The following CHD7 variants were observed in gnomAD, a reference collection of about 807,000 sequenced individuals.
CHD7 encodes the protein ATP-dependent chromatin remodeler CHD7.
A neutral mutation model predicts 307.3 loss-of-function variants in CHD7; 24 were observed. The observed-to-expected ratio is 0.08, with a 90% CI of 0.06 to 0.11. The LOEUF (loss-of-function observed/expected upper bound fraction) is 0.11. Ranked by LOEUF, CHD7 falls within the 10% of genes least tolerant of loss-of-function variation. The probability of loss-of-function intolerance (pLI) is 1.00; values close to 1 mark genes in which losing one functional copy is unlikely to be tolerated. For missense variants in CHD7, 3,106 were observed against 3,727.1 expected (o/e 0.83, Z 4.34); for synonymous variants, 1,363 against 1,349.9 (o/e 1.01, Z -0.21).
intron 1 of CHD7, among the ~76,000 whole-genome samples, chr8:60,724,925 G>A (rs1808093583): frequency 6.6e-6 from 1 of 152,156 alleles, no homozygotes; most frequent in South Asian, 2.1e-4. Flanking sequence ...ATAAGCTTTG[G>A]GACAAGCAAG....
intron 3 of CHD7, among the ~76,000 whole-genome samples, chr8:60,788,561 T>G (rs1811611660): frequency 1.3e-5 from 2 of 152,252 alleles, no homozygotes; most frequent in Admixed American, 1.3e-4. Context: ...AGGTCTCCTC[T>G]TTCTTTTTCA....
At chr8:60,846,234 A>G (rs1021104593) in intron 23 of CHD7, among the ~76,000 whole-genome samples, 2 of 152,190 alleles carry the variant, frequency 1.3e-5, no homozygotes, top group African/African-American at 2.4e-5. Flanking sequence ...CCCACTTTCA[A>G]CTAACTGCGT....
chr8:60,809,585 G>C (rs550844252), intron 7 of CHD7: 2 of 144,876 alleles, frequency 1.4e-5, no homozygotes, highest in African/African-American at 2.6e-5. Flanking sequence ...GATGGGCTCC[G>C]AGTTCCTGAC....
At chr8:60,720,594 C>A (rs991021962) in intron 1 of CHD7, among the ~76,000 whole-genome samples, 5 of 152,206 alleles carry the variant, frequency 3.3e-5, no homozygotes, top group African/African-American at 7.2e-5. Flanking sequence ...CTTCTGTGAT[C>A]GCCTTCTGTG....
In CHD7 at chr8:60,780,985, A is replaced by G. The variant is rs372978951; in HGVS notation, c.1666-15A>G. On this transcript the variant is annotated splice_polypyrimidine_tract_variant and intron_variant, in intron 2 of 37. Coordinates refer to ENST00000423902, the MANE Select transcript of CHD7 (RefSeq NM_017780.4). ...GAATGATAAACTAATTTCAATTCCT[A>G]TTTGTGTCTCTCAGCATTCCCCGTC... 8.1e-5 allele frequency: 124 copies of G among 1,522,174 alleles called. No homozygotes were observed. In the African/African-American group the frequency reaches 1.3e-3, roughly 16 times the overall value. The allele number at this position is 1,522,174 out of a possible 1,614,324, so 94.3% of individuals were successfully genotyped here.
chr8:60,722,160 A>G (rs1336074532), intron 1 of CHD7, among the ~76,000 whole-genome samples: 1 of 152,180 alleles, frequency 6.6e-6, no homozygotes, highest in African/African-American at 2.4e-5. Context: ...CAATCCCCAC[A>G]GCAACTTCTC....
chr8:60,703,191 T>A (rs983657956), intron 1 of CHD7, among the ~76,000 whole-genome samples: 3 of 152,230 alleles, frequency 2.0e-5, no homozygotes, highest in African/African-American at 7.2e-5. Context: ...ATCTTAACTA[T>A]TTTTAAGTGT....
intron 1 of CHD7, among the ~76,000 whole-genome samples, chr8:60,736,577 G>A (rs1394743865): frequency 6.6e-6 from 1 of 152,154 alleles, no homozygotes; most frequent in Non-Finnish European, 1.5e-5. Context: ...CATTATCACA[G>A]TGATGTTCTA....
intron 2 of CHD7, among the ~76,000 whole-genome samples, chr8:60,746,625 G>A (rs1809344016): frequency 6.6e-6 from 1 of 152,040 alleles, no homozygotes; most frequent in East Asian, 1.9e-4. Flanking sequence ...TGAGTTTTTC[G>A]CTTTTTAAAA....
At position 60,781,122 on chromosome 8, in the gene CHD7, AAAG is replaced by A. The variant is rs757119372; in HGVS notation, c.1797_1799del (p.Lys602del). ...CATCAATAGAACAGCAGCCACAACA[AAAG>A]AAGAAGAAAAAGAAAAACAACCACA... On this transcript the variant is annotated inframe_deletion, in exon 3 of 38. Transcript: ENST00000423902. 6.2e-7 allele frequency: 1 copy of A among 1,610,758 alleles called. No homozygotes were observed.
At position 60,742,447 on chromosome 8, in the gene CHD7, C is replaced by G. The variant is rs1274212298; in HGVS notation, c.1015C>G (p.Pro339Ala). Reference sequence around the variant, plus strand: ...AAATTTAGGCCTTACAAATAATACTCCAATGAATCAGTCCGTACCAAGATA... The same window carrying G: ...AAATTTAGGCCTTACAAATAATACTGCAATGAATCAGTCCGTACCAAGATA... ...NQNLGLTNNT[P>A]MNQSVPRYPN... Residue 339 changes from proline to alanine, a missense_variant, in exon 2 of 38, where the codon CCA becomes GCA. Physicochemically the swap from Pro to Ala is conservative, Grantham distance 27 (BLOSUM62 -1). Coordinates refer to ENST00000423902, the MANE Select transcript of CHD7 (RefSeq NM_017780.4). 6.2e-7 allele frequency: 1 copy of G among 1,613,994 alleles called. No homozygotes were observed. Among genetic ancestry groups the G allele is most frequent in the South Asian group, 1.1e-5 (1 of 91,070 alleles).
At chr8:60,826,353 A>AAC (rs1351094967) in intron 13 of CHD7, among the ~76,000 whole-genome samples, 1 of 152,250 alleles carries the variant, frequency 6.6e-6, no homozygotes, top group Non-Finnish European at 1.5e-5. Flanking sequence ...TTCAAGATGG[A>AAC]ACACATTATT....
chr8:60,714,230 G>A (rs1478907021), intron 1 of CHD7, among the ~76,000 whole-genome samples: 28 of 152,004 alleles, frequency 1.8e-4, no homozygotes, highest in Admixed American at 1.8e-3. Context: ...CGGGGTCATC[G>A]CTGGCACGCG....
chr8:60,849,116 A>G lies in CHD7; in HGVS notation c.5366A>G (p.Glu1789Gly), dbSNP rs765474106. The G allele has an allele frequency of 1.2e-6, 2 of 1,613,568 alleles. No individual in the cohort carries two copies. Among genetic ancestry groups the G allele is most frequent in the Admixed American group, 3.3e-5 (2 of 60,022 alleles). The change falls in exon 25 of 38, where the codon GAA becomes GGA. Residue 1789 changes from glutamate to glycine, a missense_variant. By Grantham distance (98) the Glu-to-Gly change is moderately conservative. Coordinates refer to ENST00000423902, the MANE Select transcript of CHD7 (RefSeq NM_017780.4). Reference sequence around the variant, plus strand: ...GTTCCTGCAGATTGGTGGGATAAGGAAGCAGACAAATCCCTCTTAATTGGA... The same window carrying G: ...GTTCCTGCAGATTGGTGGGATAAGGGAGCAGACAAATCCCTCTTAATTGGA... Reference protein sequence around the residue: ...AEVPADWWDKEADKSLLIGVF... With the variant: ...AEVPADWWDKGADKSLLIGVF...
At chr8:60,819,006 T>G (rs1326978449) in intron 8 of CHD7, among the ~76,000 whole-genome samples, 1 of 152,180 alleles carries the variant, frequency 6.6e-6, no homozygotes, top group African/African-American at 2.4e-5. Flanking sequence ...TGGGCTGGAG[T>G]GCAGTGGTGC....
chr8:60,799,083 G>A (rs1242359071), intron 4 of CHD7, among the ~76,000 whole-genome samples: 1 of 152,200 alleles, frequency 6.6e-6, no homozygotes, highest in Non-Finnish European at 1.5e-5. Flanking sequence ...GCATAGAGAA[G>A]TAAACAAGAT....
intron 1 of CHD7, among the ~76,000 whole-genome samples, chr8:60,723,340 C>T (rs1048514039): frequency 2.6e-5 from 4 of 151,902 alleles, no homozygotes; most frequent in Non-Finnish European, 4.4e-5. Flanking sequence ...TCTGTATAAC[C>T]GTAGTTTTTC....
chr8:60,828,996 C>T (rs930456920), intron 14 of CHD7, among the ~76,000 whole-genome samples, 190 bp downstream of exon 14: 1 of 152,104 alleles, frequency 6.6e-6, no homozygotes, highest in Non-Finnish European at 1.5e-5. Context: ...ATTTGTTTGT[C>T]TTTTTGCTCT....
At chr8:60,722,318 G>A (rs1443292791) in intron 1 of CHD7, among the ~76,000 whole-genome samples, 1 of 152,184 alleles carries the variant, frequency 6.6e-6, no homozygotes, top group Admixed American at 6.5e-5. Flanking sequence ...CCATGGGTAC[G>A]ATTGTGGTCA....
Sources: gnomAD v4.1 joint callset for allele counts (sites outside exome capture counted in the v4.1 genomes callset) on GRCh38, gnomAD v4.1.1 for gene constraint, MANE v1.5 for transcripts, NCBI Gene and HGNC (gene_info 2026-07-23, HGNC 2026-07-21) for gene names.